The following PPARGC1A variants were observed in gnomAD, a reference collection of about 807,000 sequenced individuals.
PPARGC1A encodes the protein PPARG coactivator 1 alpha.
PPARGC1A carries 25 observed loss-of-function variants against 88.7 expected under a neutral mutation model. That is an observed-to-expected ratio of 0.28 (90% CI 0.21 to 0.39). The LOEUF is 0.39. Ranked by LOEUF, PPARGC1A falls within the 10% of genes least tolerant of loss-of-function variation. The pLI, the probability that PPARGC1A is intolerant of heterozygous loss-of-function variation, is 1.00. For missense variants in PPARGC1A, 880 were observed against 968.7 expected (o/e 0.91, Z 1.22); for synonymous variants, 363 against 355.6 (o/e 1.02, Z -0.24).
the PPARGC1A span, among the ~76,000 whole-genome samples, chr4:24,299,593 C>A: frequency 6.6e-6 from 1 of 150,724 alleles, no homozygotes; most frequent in East Asian, 1.9e-4. Context: ...TGTGAGCTAC[C>A]TCAGTCTTTC....
chr4:24,312,781 C>T, the PPARGC1A span, among the ~76,000 whole-genome samples: 1 of 152,072 alleles, frequency 6.6e-6, no homozygotes, highest in African/African-American at 2.4e-5. Flanking sequence ...TTGTTTACTG[C>T]CTTGTTCCAC....
At chr4:24,015,166 A>G in the PPARGC1A span, among the ~76,000 whole-genome samples, 2 of 152,120 alleles carry the variant, frequency 1.3e-5, no homozygotes, top group Admixed American at 1.3e-4. Flanking sequence ...TAGATGATAT[A>G]CAGTCATAAA....
At chr4:24,393,898 G>A in the PPARGC1A span, among the ~76,000 whole-genome samples, 1 of 152,168 alleles carries the variant, frequency 6.6e-6, no homozygotes, top group South Asian at 2.1e-4. Flanking sequence ...GCAGGAGGAT[G>A]GCGTGAGGCC....
the PPARGC1A span, among the ~76,000 whole-genome samples, chr4:24,312,315 C>A: frequency 6.6e-6 from 1 of 152,144 alleles, no homozygotes; most frequent in African/African-American, 2.4e-5. Flanking sequence ...TGTGGCTTGC[C>A]ATTCCATTCA....
chr4:23,845,379 T>A (rs939276860), intron 2 of PPARGC1A, among the ~76,000 whole-genome samples: 3 of 152,150 alleles, frequency 2.0e-5, no homozygotes, highest in Non-Finnish European at 4.4e-5. Context: ...AGATAATATG[T>A]GAAACTGTGC....
chr4:24,408,053 T>C, the PPARGC1A span, among the ~76,000 whole-genome samples: 1 of 152,180 alleles, frequency 6.6e-6, no homozygotes, highest in Non-Finnish European at 1.5e-5. Context: ...CCTGGTGTGA[T>C]GCAATTAGAC....
the PPARGC1A span, among the ~76,000 whole-genome samples, chr4:24,429,471 G>A: frequency 6.6e-6 from 1 of 152,110 alleles, no homozygotes; most frequent in Non-Finnish European, 1.5e-5. Flanking sequence ...GGGAGATCAG[G>A]AAGCTTGACA....
chr4:23,834,742 T>C (rs940818215), intron 2 of PPARGC1A, among the ~76,000 whole-genome samples: 2 of 152,156 alleles, frequency 1.3e-5, no homozygotes, highest in Admixed American at 1.3e-4. Context: ...TGAAATGATA[T>C]TCCTTATTTT....
At chr4:23,906,607 CAAA>C (rs35171233), upstream of PPARGC1A, among the ~76,000 whole-genome samples, 1,657 of 63,716 alleles carry the variant, frequency 0.026, 12 homozygotes, top group African/African-American at 0.066. Flanking sequence ...CTCTGTCTCA[CAAA>C]AAAAAAAAAA....
At chr4:24,133,670 A>G in the PPARGC1A span, among the ~76,000 whole-genome samples, 9 of 152,168 alleles carry the variant, frequency 5.9e-5, no homozygotes, top group African/African-American at 1.9e-4. Context: ...TGATTTAACA[A>G]TTTTCCTCCT....
the PPARGC1A span, among the ~76,000 whole-genome samples, chr4:24,199,050 C>G: frequency 9.9e-4 from 150 of 152,274 alleles, no homozygotes; most frequent in Non-Finnish European, 1.8e-3. Context: ...TCTTTCCCTG[C>G]TGTTTTTATC....
At chr4:24,151,166 T>C in the PPARGC1A span, among the ~76,000 whole-genome samples, 1 of 152,330 alleles carries the variant, frequency 6.6e-6, no homozygotes. Context: ...ACAAATTATA[T>C]GTCAACTAAG....
chr4:23,898,004 A>G (rs1718812670), intron 1 of PPARGC1A, among the ~76,000 whole-genome samples: 1 of 152,222 alleles, frequency 6.6e-6, no homozygotes. Flanking sequence ...AAGATTTAGA[A>G]AGAAGGGTGG....
the PPARGC1A span, among the ~76,000 whole-genome samples, chr4:23,921,278 T>A: frequency 1.3e-5 from 2 of 152,134 alleles, no homozygotes; most frequent in African/African-American, 2.4e-5. Flanking sequence ...TGCATGCGTG[T>A]GTGTGTGTGT....
upstream of PPARGC1A, chr4:23,890,349 A>G (rs1577673470): frequency 5.6e-6 from 1 of 179,706 alleles, no homozygotes; most frequent in East Asian, 1.4e-4. Context: ...AGCCCTGGCC[A>G]TATAATAACC....
chr4:24,213,610 G>GA, the PPARGC1A span, among the ~76,000 whole-genome samples: 1 of 152,144 alleles, frequency 6.6e-6, no homozygotes, highest in Non-Finnish European at 1.5e-5. Context: ...CTGGAAGCTG[G>GA]AAAAAAGTCC....
the PPARGC1A span, among the ~76,000 whole-genome samples, chr4:24,209,993 C>G: frequency 6.6e-6 from 1 of 152,112 alleles, no homozygotes; most frequent in Non-Finnish European, 1.5e-5. Flanking sequence ...ATCTGTAAAA[C>G]GGGAAGAAGA....
the PPARGC1A span, among the ~76,000 whole-genome samples, chr4:24,122,616 C>G: frequency 7.2e-5 from 11 of 151,918 alleles, no homozygotes; most frequent in Non-Finnish European, 1.6e-4. Flanking sequence ...GAACAGTGTC[C>G]CTGCTCTCTG....
chr4:24,347,594 C>T, the PPARGC1A span, among the ~76,000 whole-genome samples: 1 of 152,086 alleles, frequency 6.6e-6, no homozygotes, highest in Non-Finnish European at 1.5e-5. Context: ...CTTTTGTTGT[C>T]CATTTGTATG....
Sources: allele counts gnomAD v4.1 joint callset (sites outside exome capture counted in the v4.1 genomes callset), GRCh38; gene constraint gnomAD v4.1.1; transcripts MANE v1.5; gene names NCBI Gene and HGNC (gene_info 2026-07-23, HGNC 2026-07-21).